Variants in ADAMTS17 observed in about 807,000 individuals in gnomAD.
The protein encoded by ADAMTS17 is ADAM metallopeptidase with thrombospondin type 1 motif 17, also known as A disintegrin and metalloproteinase with thrombospondin motifs 17.
ADAMTS17 carries 113 observed loss-of-function variants against 141.5 expected under a neutral mutation model. That is an observed-to-expected ratio of 0.80 (90% confidence interval 0.69 to 0.93). ADAMTS17 has a LOEUF of 0.93. ADAMTS17 is among the 40% of genes least tolerant of loss of function. The pLI, the probability that ADAMTS17 is intolerant of heterozygous loss-of-function variation, is 0.00. For synonymous variants in ADAMTS17, 768 were observed against 630.6 expected (o/e 1.22, Z -3.27); for missense variants, 1,659 against 1,517.9 (o/e 1.09, Z -1.54).
chr15:100,158,348 T>A (rs948821298), intron 8 of ADAMTS17, among the ~76,000 whole-genome samples: 4 of 152,258 alleles, frequency 2.6e-5, no homozygotes, highest in African/African-American at 4.8e-5. Context: ...AAAAAGATTT[T>A]AAAAATATAT....
chr15:100,006,792 G>A lies in ADAMTS17; in HGVS notation c.2592-9203C>T, dbSNP rs888222195. On this transcript the variant is annotated intron_variant, in intron 18 of 21. Transcript: ENST00000268070. ...AATCAAAGTAAGGAAACAGGTGCCT[G>A]TATGTGATTCTCTGAGCATCTGTTA... Among the ~76,000 whole-genome samples the A allele has an allele frequency of 2.0e-5, 3 of 152,250 alleles. No individual in the cohort carries two copies. The South Asian group carries it at 6.2e-4, about 32-fold the overall frequency.
At chr15:100,091,262 C>T (rs921898947) in intron 15 of ADAMTS17, among the ~76,000 whole-genome samples, 1 of 151,934 alleles carries the variant, frequency 6.6e-6, no homozygotes, top group Admixed American at 6.6e-5. Flanking sequence ...CAGATACCAC[C>T]ACACTGCCGA....
At chr15:100,266,657 G>A (rs900962791) in intron 4 of ADAMTS17, among the ~76,000 whole-genome samples, 12 of 152,088 alleles carry the variant, frequency 7.9e-5, no homozygotes, top group African/African-American at 2.9e-4. Flanking sequence ...AGCTATTTCT[G>A]TGCTTCTCCA....
chr15:100,279,122 A>C (rs1157401410), intron 4 of ADAMTS17, among the ~76,000 whole-genome samples: 1 of 152,116 alleles, frequency 6.6e-6, no homozygotes, highest in African/African-American at 2.4e-5. Context: ...AGCCCCGCCC[A>C]ATCCGCCTCT....
At chr15:100,088,113 C>G (rs58581003) in intron 15 of ADAMTS17, among the ~76,000 whole-genome samples, 182 of 152,296 alleles carry the variant, frequency 1.2e-3, no homozygotes, top group African/African-American at 4.2e-3. Context: ...CCAAAATCTC[C>G]TTGAGCTGAT....
intron 10 of ADAMTS17, among the ~76,000 whole-genome samples, chr15:100,144,113 T>C (rs2038785341): frequency 6.6e-6 from 1 of 152,238 alleles, no homozygotes; most frequent in South Asian, 2.1e-4. Flanking sequence ...TAAAACATTC[T>C]AAATTTGTAA....
rs185118604 is a variant in ADAMTS17, at chr15:100,332,939, G to A, written c.451-1885C>T. Among the ~76,000 whole-genome samples the A allele has an allele frequency of 1.7e-3, 257 of 152,252 alleles. 3 individuals carry two copies. In the East Asian group the frequency reaches 0.035, roughly 21 times the overall value. ...TACAGGGCCCTCACCCTGGGAACCT[G>A]CGTGAGGAAGGGCCCTGCCTCCTCC... On this transcript the variant is annotated intron_variant, in intron 2 of 21. Transcript: ENST00000268070.
intron 4 of ADAMTS17, among the ~76,000 whole-genome samples, chr15:100,266,789 T>C (rs907588868): frequency 6.6e-6 from 1 of 152,206 alleles, no homozygotes; most frequent in African/African-American, 2.4e-5. Context: ...CCTGGTTCTC[T>C]GCAGGGCACT....
intron 9 of ADAMTS17, among the ~76,000 whole-genome samples, 156 bp from the exon 10 acceptor site, chr15:100,152,918 C>T (rs145890141): frequency 3.3e-3 from 102 of 30,846 alleles, no homozygotes; most frequent in African/African-American, 6.3e-3. Flanking sequence ...ACAGACTGCG[C>T]TTTTTTGCTG....
intron 15 of ADAMTS17, among the ~76,000 whole-genome samples, chr15:100,088,812 T>G (rs529657987): frequency 6.6e-6 from 1 of 152,320 alleles, no homozygotes; most frequent in South Asian, 2.1e-4. Context: ...ACTGGATCCC[T>G]TCCTTACACC....
intron 2 of ADAMTS17, among the ~76,000 whole-genome samples, chr15:100,337,054 T>C (rs2046228416): frequency 1.3e-5 from 2 of 152,166 alleles, no homozygotes; most frequent in Non-Finnish European, 2.9e-5. Flanking sequence ...TTTGTATCTT[T>C]AGTAGAGACG....
chr15:100,096,726 G>C (rs1213656568), intron 14 of ADAMTS17, among the ~76,000 whole-genome samples: 1 of 152,240 alleles, frequency 6.6e-6, no homozygotes, highest in African/African-American at 2.4e-5. Context: ...TCTGGAGGGA[G>C]ATCCATGAAG....
chr15:100,210,257 A>G (rs1424153752), intron 7 of ADAMTS17, among the ~76,000 whole-genome samples: 3 of 151,096 alleles, frequency 2.0e-5, no homozygotes, highest in Non-Finnish European at 3.0e-5. Context: ...AAAAAAAAAA[A>G]AAGAAGTGAG....
At chr15:100,020,754 C>T (rs140325720) in intron 18 of ADAMTS17, among the ~76,000 whole-genome samples, 3 of 152,312 alleles carry the variant, frequency 2.0e-5, no homozygotes, top group Non-Finnish European at 4.4e-5. Context: ...CATGTGGAGA[C>T]GGCTGAGGCC....
At position 100,054,136 on chromosome 15, in the gene ADAMTS17, C is replaced by T. The variant is rs2032368510; in HGVS notation, c.2138-82G>A. On this transcript the variant is annotated intron_variant, in intron 15 of 21. Transcript: ENST00000268070. ...CTGTCTTTAAACGGAATCTACAGCC[C>T]CTGAGTGGGGCAGAGGTCTCCCTTC... 14 of 1,539,382 alleles carry T rather than the reference C, an allele frequency of 9.1e-6. 1 individual carries two copies. In the South Asian group the frequency reaches 1.6e-4, roughly 17 times the overall value.
chr15:100,278,915 C>T (rs1027406939), intron 4 of ADAMTS17, among the ~76,000 whole-genome samples: 2 of 152,184 alleles, frequency 1.3e-5, no homozygotes, highest in African/African-American at 4.8e-5. Context: ...CTCGGGCCTC[C>T]TTCAGCCTCT....
chr15:100,209,110 TAGC>T (rs1209184829), intron 7 of ADAMTS17, among the ~76,000 whole-genome samples: 467 of 24,410 alleles, frequency 0.019, no homozygotes, highest in African/African-American at 0.047. Flanking sequence ...TTTGCCAAGT[TAGC>T]AAAAAAAAAA....
intron 7 of ADAMTS17, among the ~76,000 whole-genome samples, chr15:100,220,985 T>C (rs4548838): frequency 0.61 from 92,552 of 152,028 alleles, 28,892 homozygotes; most frequent in African/African-American, 0.75. Context: ...CACGTACAAG[T>C]TTCTGCACGG....
chr15:100,087,689 CA>C (rs1162767302), intron 15 of ADAMTS17, among the ~76,000 whole-genome samples: 1 of 152,178 alleles, frequency 6.6e-6, no homozygotes, highest in Non-Finnish European at 1.5e-5. Context: ...TCAACATACA[CA>C]AATCAAGAAA....
Sources: gnomAD v4.1 joint callset for allele counts (sites outside exome capture counted in the v4.1 genomes callset) on GRCh38, gnomAD v4.1.1 for gene constraint, MANE v1.5 for transcripts, NCBI Gene and HGNC (gene_info 2026-07-23, HGNC 2026-07-21) for gene names.